The following ANKHD1 variants were observed in gnomAD, a reference collection of about 807,000 sequenced individuals.
ANKHD1 encodes the protein ankyrin repeat and KH domain containing 1.
In ANKHD1, 31 loss-of-function variants were observed where a neutral mutation model predicts 230.5. The observed-to-expected ratio is 0.13, with a 90% CI of 0.10 to 0.18. The LOEUF (loss-of-function observed/expected upper bound fraction) is 0.18, where lower values mean the gene tolerates loss of function less well. Among genes scored for constraint, ANKHD1 ranks in the 10% least tolerant of loss-of-function variants. ANKHD1 has a pLI of 1.00. For synonymous variants in ANKHD1, 1,074 were observed against 1,117.6 expected (o/e 0.96, Z 0.78); for missense variants, 2,256 against 3,071.3 (o/e 0.73, Z 6.27).
intron 15 of ANKHD1, among the ~76,000 whole-genome samples, chr5:140,503,553 C>CTTTTTTTTTTCT (rs1752400621): frequency 1.9e-5 from 1 of 51,418 alleles, no homozygotes; most frequent in Non-Finnish European, 3.3e-5. Context: ...AGTTTTCTTT[C>CTTTTTTTTTTCT]TTTTTTTTTT....
Position 140,482,657 on chromosome 5 carries a change from T to C in ANKHD1, c.1860T>C (p.Leu620=). The part of the protein sequence containing the change: ...RAGHLCTVQF[L]ISKGANVNRA... Reference sequence around the variant, plus strand: ...GTCATTTGTGCACTGTGCAGTTTCTTATTAGCAAAGGTAAAGAAAGGGCAA... The same window carrying C: ...GTCATTTGTGCACTGTGCAGTTTCTCATTAGCAAAGGTAAAGAAAGGGCAA... The change falls in exon 11 of 34, where the codon CTT becomes CTC. Residue 620 remains leucine (L), a synonymous_variant. Transcript: ENST00000360839. 6.2e-7 allele frequency: 1 copy of C among 1,612,280 alleles called. No individual in the cohort carries two copies. Among genetic ancestry groups the C allele is most frequent in the Non-Finnish European group, 8.5e-7 (1 of 1,179,320 alleles).
chr5:140,527,196 A>T lies in ANKHD1; in HGVS notation c.5087+122A>T. On this transcript the variant is annotated intron_variant, in intron 27 of 33. Coordinates refer to ENST00000360839, the MANE Select transcript of ANKHD1 (RefSeq NM_017747.3). The surrounding 1 kb of genome is among the most constrained non-coding windows in gnomAD (Gnocchi z 4.5). ...TTATTATTTTAAACTGCATTGCCACACTAAATCCAGAATATGCTAAAGCAA... is the reference window on the plus strand; with the variant it reads ...TTATTATTTTAAACTGCATTGCCACTCTAAATCCAGAATATGCTAAAGCAA... 7.4e-7 allele frequency: 1 copy of T among 1,348,044 alleles called. No homozygotes were observed. The highest frequency in any genetic ancestry group is 9.6e-7 in the Non-Finnish European group (1 of 1,036,300). 83.5% of individuals were successfully genotyped at this position (1,348,044 alleles called of 1,614,324 possible). A position where few individuals can be genotyped will look rare whatever the true frequency, so the allele number is the denominator to read the frequency against.
chr5:140,485,568 A>G lies in ANKHD1; in HGVS notation c.1999-21A>G, dbSNP rs762009665. 8.7e-6 allele frequency: 14 copies of G among 1,611,440 alleles called. No individual in the cohort carries two copies. Among genetic ancestry groups the G allele is most frequent in the African/African-American group, 1.3e-5 (1 of 74,688 alleles). ...GCTAAGAAACTATAAAGAATTAATT[A>G]TCATGGCAATTCTTTTTCAGGATGG... On this transcript the variant is annotated intron_variant, in intron 12 of 33. Transcript: ENST00000360839. This position sits in a 1 kb window ranked among gnomAD's most constrained non-coding sequence, Gnocchi z 4.8.
intron 1 of ANKHD1, among the ~76,000 whole-genome samples, chr5:140,429,869 T>G (rs1352435005): frequency 6.6e-6 from 1 of 152,218 alleles, no homozygotes; most frequent in Non-Finnish European, 1.5e-5. Flanking sequence ...TGAGTTTTGG[T>G]TAAATCATAG....
In ANKHD1 at chr5:140,512,184, C is replaced by G. The variant is rs553883552; in HGVS notation, c.4105-644C>G. Among the ~76,000 whole-genome samples the G allele has an allele frequency of 7.5e-5, 11 of 147,208 alleles. No homozygotes were observed. The South Asian group carries it at 2.3e-3, about 31-fold the overall frequency. On this transcript the variant is annotated intron_variant, in intron 22 of 33. Coordinates refer to ENST00000360839, the MANE Select transcript of ANKHD1 (RefSeq NM_017747.3). ...CCGGGAGGCGGAGGTTGCAGTGAGA[C>G]AAGAGCGTGCCGTGGCACTCCAGCC...
chr5:140,508,133 G>A (rs1348672111), intron 20 of ANKHD1, 135 bp downstream of exon 20: 1 of 1,237,482 alleles, frequency 8.1e-7, no homozygotes, highest in Admixed American at 2.8e-5. Flanking sequence ...GAGGGATTAT[G>A]CTGTATAATA....
Position 140,505,867 on chromosome 5 carries a change from G to A in ANKHD1, c.3406G>A (p.Glu1136Lys), listed in dbSNP as rs1461488292. ...LSLACSGGRQEVVDLLLARGA... is the reference protein window; with the variant it reads ...LSLACSGGRQKVVDLLLARGA... The stretch of plus-strand genomic sequence containing the variant: ...ATTGGCATGTTCTGGTGGACGTCAG[G>A]AGGTGTGTTAATGTTAATTTTCATT... Residue 1136 changes from glutamate (E) to lysine (K), a missense_variant and splice_region_variant, in exon 18 of 34, where the codon GAG becomes AAG. This residue lies in a region of ANKHD1 where 63 missense variants were observed against 125.5 expected (regional missense o/e 0.50). Transcript: ENST00000360839. 6.3e-7 allele frequency: 1 copy of A among 1,578,956 alleles called. No homozygotes were observed. Among genetic ancestry groups the A allele is most frequent in the African/African-American group, 1.4e-5 (1 of 72,250 alleles).
rs1206242761 is a variant in ANKHD1, at chr5:140,539,097, A to G, written c.7569+14A>G. Reference sequence around the variant, plus strand: ...GATGCCCAGCAGGTAAAATGGGCTTAATGCTCTTTTGTTTTTTAGATTTGT... The same window carrying G: ...GATGCCCAGCAGGTAAAATGGGCTTGATGCTCTTTTGTTTTTTAGATTTGT... On this transcript the variant is annotated intron_variant, in intron 33 of 33. Transcript: ENST00000360839. 6.9e-6 allele frequency: 11 copies of G among 1,584,838 alleles called. No individual in the cohort carries two copies. The highest frequency in any genetic ancestry group is 1.4e-5 in the African/African-American group (1 of 73,406).
chr5:140,504,065 T>G (rs1209566062), intron 15 of ANKHD1, among the ~76,000 whole-genome samples: 2 of 151,766 alleles, frequency 1.3e-5, no homozygotes, highest in African/African-American at 2.4e-5. Flanking sequence ...CCCCCACCCT[T>G]TTTTTTAGAT....
At chr5:140,403,701 C>T (rs998452287) in intron 1 of ANKHD1, among the ~76,000 whole-genome samples, 3 of 152,144 alleles carry the variant, frequency 2.0e-5, no homozygotes, top group East Asian at 1.9e-4. Context: ...CTGTGGCTTG[C>T]GTAGAGTACT....
intron 14 of ANKHD1, 94 bp downstream of exon 14, chr5:140,487,154 C>T: frequency 4.0e-6 from 5 of 1,262,756 alleles, no homozygotes; most frequent in Non-Finnish European, 5.2e-6. Context: ...TTACTGTGTA[C>T]CCATGGCTAA....
intron 1 of ANKHD1, among the ~76,000 whole-genome samples, chr5:140,415,148 C>T (rs1026907558): frequency 6.6e-6 from 1 of 151,938 alleles, no homozygotes; most frequent in Non-Finnish European, 1.5e-5. Context: ...CTTTGGGGGG[C>T]CGAGGCGGGC....
At chr5:140,441,827 AG>A (rs1401423023) in intron 5 of ANKHD1, among the ~76,000 whole-genome samples, 1 of 152,092 alleles carries the variant, frequency 6.6e-6, no homozygotes, top group East Asian at 1.9e-4. Context: ...TTTGTTCTAT[AG>A]TAACCATTTT....
At chr5:140,471,712 C>G (rs1776508602) in intron 10 of ANKHD1, among the ~76,000 whole-genome samples, 1 of 152,116 alleles carries the variant, frequency 6.6e-6, no homozygotes, top group Non-Finnish European at 1.5e-5. Context: ...TAGTTTCTCT[C>G]TGTTAAGAGT....
chr5:140,433,559 A>G (rs1177405885), intron 1 of ANKHD1, among the ~76,000 whole-genome samples: 5 of 152,266 alleles, frequency 3.3e-5, no homozygotes, highest in Non-Finnish European at 7.4e-5. Context: ...TAGTGCATAT[A>G]GTTGTATCAT....
intron 2 of ANKHD1, among the ~76,000 whole-genome samples, chr5:140,437,842 A>G (rs1268519735): frequency 6.6e-6 from 1 of 152,224 alleles, no homozygotes; most frequent in Non-Finnish European, 1.5e-5. Flanking sequence ...TGTTTTGTCA[A>G]TTTCATAAAT....
chr5:140,538,818 A>T, intron 32 of ANKHD1, 101 bp from the exon 33 acceptor site: 1 of 1,251,942 alleles, frequency 8.0e-7, no homozygotes, highest in Non-Finnish European at 1.0e-6. Context: ...AGTTCTTTAA[A>T]TGAGGAATAT....
intron 9 of ANKHD1, among the ~76,000 whole-genome samples, chr5:140,461,956 G>C (rs1340217474): frequency 3.3e-5 from 5 of 151,922 alleles, no homozygotes; most frequent in African/African-American, 1.2e-4. Context: ...TGTCTCTTAA[G>C]CCTTTTTTAA....
intron 30 of ANKHD1, 113 bp from the exon 31 acceptor site, chr5:140,537,276 T>C: frequency 6.9e-7 from 1 of 1,452,854 alleles, no homozygotes; most frequent in East Asian, 2.5e-5. Flanking sequence ...TCCAACAAGG[T>C]TTCTCATATT....
Sources: gnomAD v4.1 joint callset for allele counts (sites outside exome capture counted in the v4.1 genomes callset) on GRCh38, gnomAD v4.1.1 for gene constraint, gnomAD v4.1.1 regional missense constraint, Gnocchi (gnomAD v3.1) non-coding constraint, MANE v1.5 for transcripts, NCBI Gene and HGNC (gene_info 2026-07-23, HGNC 2026-07-21) for gene names.